The following ASAH2 variants were observed in gnomAD, a reference collection of about 807,000 sequenced individuals.
ASAH2 encodes the protein neutral ceramidase.
A neutral mutation model predicts 82.9 loss-of-function variants in ASAH2; 58 were observed. The observed-to-expected ratio is 0.70, with a 90% CI of 0.57 to 0.87. The LOEUF (loss-of-function observed/expected upper bound fraction) is 0.87, where lower values mean the gene tolerates loss of function less well. Ranked by LOEUF, ASAH2 falls within the 40% of genes least tolerant of loss-of-function variation. The pLI is 0.00. For missense variants in ASAH2, 779 were observed against 834.0 expected (o/e 0.93, Z 0.81); for synonymous variants, 276 against 289.7 (o/e 0.95, Z 0.48).
At chr10:50,193,531 C>T (rs1391227773) in intron 18 of ASAH2, among the ~76,000 whole-genome samples, 1 of 151,352 alleles carries the variant, frequency 6.6e-6, no homozygotes, top group Non-Finnish European at 1.5e-5. Context: ...TTACAGAGAA[C>T]AGTCCCCAGG....
At position 50,204,929 on chromosome 10, in the gene ASAH2, T is replaced by C; in HGVS notation, c.1557A>G (p.Pro519=). 2 of 1,611,308 alleles carry C rather than the reference T, an allele frequency of 1.2e-6. No homozygotes were observed. Among genetic ancestry groups the C allele is most frequent in the South Asian group, 1.1e-5 (1 of 90,644 alleles). The change falls in exon 14 of 21, where the codon CCA becomes CCG. Residue 519 remains proline (P), a synonymous_variant. Transcript: ENST00000682911. The part of the protein sequence containing the change: ...GELSKPHPWH[P]DIVDVQIITL... ...TAATAATCTGAACATCAACAATGTC[T>C]GGATGCCAGGGGTGAGGTTTTGATA...
chr10:50,222,910 T>C lies in ASAH2; in HGVS notation c.894-4280A>G, dbSNP rs1273969987. ...AGTTCAAAAGAAAGGAAGAAAGCTT[T>C]AGTTTCAGAAGTTAAGAATTCAGAC... On this transcript the variant is annotated intron_variant, in intron 7 of 20. Coordinates refer to ENST00000682911, the MANE Select transcript of ASAH2 (RefSeq NM_019893.4). Among the ~76,000 whole-genome samples, 8 of 152,216 alleles carry C rather than the reference T, an allele frequency of 5.3e-5. No individual in the cohort carries two copies. The East Asian group carries it at 7.7e-4, about 15-fold the overall frequency.
At chr10:50,220,748 G>A (rs1006639611) in intron 7 of ASAH2, among the ~76,000 whole-genome samples, 5 of 144,358 alleles carry the variant, frequency 3.5e-5, no homozygotes, top group Non-Finnish European at 6.0e-5. Flanking sequence ...TAACCAACCC[G>A]CAAATGTACT....
chr10:50,232,488 A>G (rs1172033599), intron 7 of ASAH2, among the ~76,000 whole-genome samples: 1 of 152,116 alleles, frequency 6.6e-6, no homozygotes, highest in African/African-American at 2.4e-5. Context: ...GCAAGTCCAT[A>G]GGTCAAAGAG....
chr10:50,230,162 C>T (rs1232056695), intron 7 of ASAH2, among the ~76,000 whole-genome samples: 2 of 152,070 alleles, frequency 1.3e-5, no homozygotes, highest in Non-Finnish European at 2.9e-5. Context: ...GGAAGTATTG[C>T]GTGGCTCATA....
At chr10:50,239,917 C>T (rs886149757) in intron 4 of ASAH2, among the ~76,000 whole-genome samples, 6 of 151,140 alleles carry the variant, frequency 4.0e-5, no homozygotes, top group Non-Finnish European at 8.8e-5. Flanking sequence ...GAAACCTCCA[C>T]CTCCCAGGTT....
intron 7 of ASAH2, among the ~76,000 whole-genome samples, chr10:50,225,874 T>C (rs1490683219): frequency 2.0e-5 from 3 of 152,118 alleles, no homozygotes; most frequent in Non-Finnish European, 4.4e-5. Context: ...GCAGATCACC[T>C]GAGGTCAGGA....
chr10:50,250,982 A>C (rs993359897), intron 1 of ASAH2, among the ~76,000 whole-genome samples: 2 of 152,236 alleles, frequency 1.3e-5, no homozygotes, highest in African/African-American at 4.8e-5. Flanking sequence ...CCTTTAAGGA[A>C]CTTAAAACTT....
intron 7 of ASAH2, among the ~76,000 whole-genome samples, chr10:50,221,127 A>G (rs896445433): frequency 3.3e-5 from 5 of 152,320 alleles, no homozygotes; most frequent in African/African-American, 1.2e-4. Flanking sequence ...ATATTCTAAG[A>G]GTCATCCCCT....
At chr10:50,211,234 TCTCTCAG>T in intron 10 of ASAH2, 100 bp from the exon 11 acceptor site, 2 of 910,108 alleles carry the variant, frequency 2.2e-6, no homozygotes, top group Non-Finnish European at 3.6e-6. Flanking sequence ...TGGAAATGCA[TCTCTCAG>T]CAAAGCTTTT....
At chr10:50,195,833 C>T (rs1276420176) in intron 18 of ASAH2, among the ~76,000 whole-genome samples, 2 of 151,716 alleles carry the variant, frequency 1.3e-5, no homozygotes, top group East Asian at 1.9e-4. Context: ...ATATATAGAA[C>T]CTTCAAGAGT....
chr10:50,232,395 C>G (rs897605815), intron 7 of ASAH2, among the ~76,000 whole-genome samples: 4 of 152,020 alleles, frequency 2.6e-5, no homozygotes, highest in African/African-American at 9.7e-5. Context: ...CTAATAAGGA[C>G]AAGAGCCCAG....
intron 4 of ASAH2, among the ~76,000 whole-genome samples, chr10:50,238,980 G>A (rs998444705): frequency 5.3e-5 from 8 of 152,202 alleles, no homozygotes; most frequent in African/African-American, 1.4e-4. Flanking sequence ...TAAAAATAAC[G>A]TGTTTCCCAG....
At chr10:50,193,182 A>AT (rs1844885665) in intron 18 of ASAH2, among the ~76,000 whole-genome samples, 1 of 148,866 alleles carries the variant, frequency 6.7e-6, no homozygotes, top group Non-Finnish European at 1.5e-5. Flanking sequence ...AACTGGAAAA[A>AT]ATATATATTA....
Position 50,187,084 on chromosome 10 carries a change from C to CTCT in ASAH2, c.*230_*231insAGA, listed in dbSNP as rs150599615. Reference sequence around the variant, plus strand: ...GCTGGAGCAAGATATATGGGACAAACCTCTCTCTCTCTCTCTCTCTCTCTC... The same window carrying CTCT: ...GCTGGAGCAAGATATATGGGACAAACTCTCTCTCTCTCTCTCTCTCTCTCTCTC... On this transcript the variant is annotated 3_prime_UTR_variant, in exon 21 of 21. Transcript: ENST00000682911. The CTCT allele has an allele frequency of 0.014, 2,504 of 182,842 alleles. 119 individuals are homozygous for CTCT. The highest frequency in any genetic ancestry group is 0.032 in the East Asian group (241 of 7,564). 11.3% of individuals were successfully genotyped at this position (182,842 alleles called of 1,614,324 possible). A position where few individuals can be genotyped will look rare whatever the true frequency, so the allele number is the denominator to read the frequency against.
chr10:50,225,920 G>A (rs1407024363), intron 7 of ASAH2, among the ~76,000 whole-genome samples: 2 of 151,874 alleles, frequency 1.3e-5, no homozygotes, highest in Admixed American at 6.6e-5. Flanking sequence ...GTGAAACCCC[G>A]TCTCTACTAA....
intron 2 of ASAH2, 35 bp downstream of exon 2, chr10:50,248,449 T>A (rs924202430): frequency 1.2e-6 from 2 of 1,607,614 alleles, no homozygotes; most frequent in Non-Finnish European, 1.7e-6. Context: ...CATACAGGCC[T>A]AAAAATTGCA....
intron 8 of ASAH2, among the ~76,000 whole-genome samples, chr10:50,217,600 T>A (rs1320781952): frequency 2.0e-5 from 3 of 152,176 alleles, no homozygotes; most frequent in Admixed American, 6.5e-5. Context: ...GGTAATAGCA[T>A]GAGGCCCTCA....
intron 17 of ASAH2, among the ~76,000 whole-genome samples, chr10:50,198,682 G>C (rs1385962810): frequency 6.6e-6 from 1 of 151,942 alleles, no homozygotes; most frequent in Non-Finnish European, 1.5e-5. Context: ...TCAACTCCCA[G>C]GTGTAGTAAG....
Sources: allele counts gnomAD v4.1 joint callset (sites outside exome capture counted in the v4.1 genomes callset), GRCh38; gene constraint gnomAD v4.1.1; transcripts MANE v1.5; gene names NCBI Gene and HGNC (gene_info 2026-07-23, HGNC 2026-07-21).